Variants in TNFRSF11B observed in about 807,000 individuals in gnomAD.
TNFRSF11B encodes TNF receptor superfamily member 11b, also known as tumor necrosis factor receptor superfamily member 11B.
A neutral mutation model predicts 43.4 loss-of-function variants in TNFRSF11B; 16 were observed. The observed-to-expected ratio is 0.37, with a 90% CI of 0.25 to 0.56. The LOEUF (loss-of-function observed/expected upper bound fraction) is 0.56, where lower values mean the gene tolerates loss of function less well. Ranked by LOEUF, TNFRSF11B falls within the 20% of genes least tolerant of loss-of-function variation. TNFRSF11B has a pLI of 0.80. For missense variants in TNFRSF11B, 444 were observed against 490.1 expected (o/e 0.91, Z 0.89); for synonymous variants, 185 against 181.8 (o/e 1.02, Z -0.14).
intron 2 of TNFRSF11B, among the ~76,000 whole-genome samples, chr8:118,929,302 G>T (rs1812292628): frequency 6.6e-6 from 1 of 152,198 alleles, no homozygotes. Flanking sequence ...CAAGATAACT[G>T]CTGTGTGTCT....
chr8:118,950,189 A>C (rs1398526383), intron 1 of TNFRSF11B, among the ~76,000 whole-genome samples: 2 of 152,226 alleles, frequency 1.3e-5, no homozygotes, highest in Non-Finnish European at 2.9e-5. Context: ...GTTTGTTATT[A>C]ATTAAATCTT....
rs530867123 is a variant in TNFRSF11B, at chr8:118,926,649, C to G, written c.662G>C (p.Ser221Thr). Reference sequence around the variant, plus strand: ...GCCAGGCAAATTGTCTACCAAGACACTAAGCCAGTTAGGCGTAAACTTTGT... The same window carrying G: ...GCCAGGCAAATTGTCTACCAAGACAGTAAGCCAGTTAGGCGTAAACTTTGT... ...VPTKFTPNWL[S>T]VLVDNLPGTK... is the part of the protein sequence containing the mutation. The change falls in exon 4 of 5, where the codon AGT becomes ACT. Residue 221 changes from serine (S) to threonine (T), a missense_variant. Ser to Thr is a moderately conservative substitution (Grantham distance 58, BLOSUM62 1). Coordinates refer to ENST00000297350, the MANE Select transcript of TNFRSF11B (RefSeq NM_002546.4). The G allele has an allele frequency of 1.2e-6, 2 of 1,614,056 alleles. No homozygotes were observed. The highest frequency in any genetic ancestry group is 2.2e-5 in the South Asian group (2 of 91,084).
At position 118,951,858 on chromosome 8, in the gene TNFRSF11B, G is replaced by A; in HGVS notation, c.-37C>T. 6.4e-7 allele frequency: 1 copy of A among 1,565,750 alleles called. No homozygotes were observed. The highest frequency in any genetic ancestry group is 8.7e-7 in the Non-Finnish European group (1 of 1,153,866). ...GAAACCTCAGGGGCTTGGAGGCGGC[G>A]GCTGGGCGAGCGCTCCGGTGCGTCT... On this transcript the variant is annotated 5_prime_UTR_variant, in exon 1 of 5. Transcript: ENST00000297350.
intron 1 of TNFRSF11B, among the ~76,000 whole-genome samples, chr8:118,951,092 A>G (rs967930527): frequency 5.3e-5 from 8 of 152,212 alleles, no homozygotes; most frequent in Non-Finnish European, 1.2e-4. Context: ...TCTTTTCCAA[A>G]TAACATTTTA....
At chr8:118,939,677 T>C (rs1812452602) in intron 1 of TNFRSF11B, among the ~76,000 whole-genome samples, 1 of 152,196 alleles carries the variant, frequency 6.6e-6, no homozygotes, top group South Asian at 2.1e-4. Flanking sequence ...GTTTGGAACA[T>C]CTATCTGCCT....
intron 4 of TNFRSF11B, among the ~76,000 whole-genome samples, chr8:118,925,646 C>T (rs1269598860): frequency 2.0e-5 from 3 of 152,198 alleles, no homozygotes; most frequent in South Asian, 2.1e-4. Context: ...TAGTGCAAGA[C>T]TATACAGTCA....
At chr8:118,943,667 G>T (rs1812519479) in intron 1 of TNFRSF11B, among the ~76,000 whole-genome samples, 1 of 152,052 alleles carries the variant, frequency 6.6e-6, no homozygotes, top group Non-Finnish European at 1.5e-5. Context: ...GTGAAATATG[G>T]TATGTAAGGT....
At chr8:118,930,328 A>G (rs1812308125) in intron 2 of TNFRSF11B, among the ~76,000 whole-genome samples, 1 of 152,150 alleles carries the variant, frequency 6.6e-6, no homozygotes, top group East Asian at 1.9e-4. Flanking sequence ...TTTACTCGAA[A>G]TAAGTGACTT....
At chr8:118,939,242 C>T (rs1415137903) in intron 1 of TNFRSF11B, among the ~76,000 whole-genome samples, 1 of 152,188 alleles carries the variant, frequency 6.6e-6, no homozygotes, top group Admixed American at 6.5e-5. Context: ...TATACCTCCT[C>T]TCCCCTTTTC....
At chr8:118,924,844 G>C (rs996230186) in intron 4 of TNFRSF11B, 82 bp from the exon 5 acceptor site, 1 of 1,553,864 alleles carries the variant, frequency 6.4e-7, no homozygotes, top group Admixed American at 1.7e-5. Context: ...TGAGGCAAAA[G>C]GTTCTTGCAG....
chr8:118,937,567 AATT>A (rs1204295127), intron 1 of TNFRSF11B, among the ~76,000 whole-genome samples: 2 of 152,242 alleles, frequency 1.3e-5, no homozygotes, highest in Admixed American at 6.5e-5. Context: ...TAGGAAATTC[AATT>A]ATTATGTAAA....
intron 1 of TNFRSF11B, among the ~76,000 whole-genome samples, chr8:118,940,856 A>G (rs1158459974): frequency 1.3e-5 from 2 of 152,236 alleles, no homozygotes; most frequent in East Asian, 1.9e-4. Flanking sequence ...AGGCAGTTCC[A>G]TGACTTTGTT....
chr8:118,944,844 TCAATG>T (rs1209877411), intron 1 of TNFRSF11B, among the ~76,000 whole-genome samples: 1 of 152,106 alleles, frequency 6.6e-6, no homozygotes, highest in Non-Finnish European at 1.5e-5. Context: ...AAAATTCCAC[TCAATG>T]CATCTAAGGA....
chr8:118,930,250 A>G (rs757649375), intron 2 of TNFRSF11B, among the ~76,000 whole-genome samples: 1 of 152,184 alleles, frequency 6.6e-6, no homozygotes, highest in Non-Finnish European at 1.5e-5. Flanking sequence ...ACAACTCTAT[A>G]TCAAATTCTA....
intron 1 of TNFRSF11B, among the ~76,000 whole-genome samples, chr8:118,948,793 A>G (rs1408462037): frequency 3.4e-5 from 1 of 29,596 alleles, no homozygotes; most frequent in African/African-American, 3.7e-4. Context: ...ACAAACAAAC[A>G]AAAAAAAACT....
Position 118,926,671 on chromosome 8 carries a change from T to A in TNFRSF11B, c.640A>T (p.Lys214Ter). ...ACACTAAGCCAGTTAGGCGTAAACT[T>A]TGTAGGAACAGCAAACCTGAAGAAT... Reference protein sequence around the residue: ...EAFFRFAVPTKFTPNWLSVLV... With the variant: ...EAFFRFAVPT The change falls in exon 4 of 5, where the codon AAG becomes TAG. Residue 214 changes from lysine to a stop codon, truncating the protein, a stop_gained. Coordinates refer to ENST00000297350, the MANE Select transcript of TNFRSF11B (RefSeq NM_002546.4). LOFTEE classifies it high-confidence loss of function. 1 of 1,614,068 alleles carries A rather than the reference T, an allele frequency of 6.2e-7. No individual in the cohort carries two copies. The highest frequency in any genetic ancestry group is 8.5e-7 in the Non-Finnish European group (1 of 1,179,980).
At chr8:118,939,203 G>T (rs1000619403) in intron 1 of TNFRSF11B, among the ~76,000 whole-genome samples, 1 of 152,042 alleles carries the variant, frequency 6.6e-6, no homozygotes, top group Admixed American at 6.6e-5. Context: ...TTCCTGTGAA[G>T]GTCAGTTTAT....
chr8:118,927,245 A>G (rs1812256966), intron 3 of TNFRSF11B, among the ~76,000 whole-genome samples: 1 of 152,202 alleles, frequency 6.6e-6, no homozygotes. Flanking sequence ...ACCAAACATA[A>G]AACTATGTTA....
At chr8:118,935,419 T>G (rs1812390292) in intron 1 of TNFRSF11B, among the ~76,000 whole-genome samples, 1 of 152,204 alleles carries the variant, frequency 6.6e-6, no homozygotes, top group African/African-American at 2.4e-5. Context: ...TTCAAGTTCA[T>G]ACTTGAGTGA....
Sources: gnomAD v4.1 joint callset for allele counts (sites outside exome capture counted in the v4.1 genomes callset) on GRCh38, gnomAD v4.1.1 for gene constraint, MANE v1.5 for transcripts, NCBI Gene and HGNC (gene_info 2026-07-23, HGNC 2026-07-21) for gene names.